The following TMEM65 variants were observed in gnomAD, a reference collection of about 807,000 sequenced individuals.
The protein encoded by TMEM65 is transmembrane protein 65.
TMEM65 carries 22 observed loss-of-function variants against 25.4 expected under a neutral mutation model. The observed-to-expected ratio is 0.86, with a 90% CI of 0.62 to 1.23. TMEM65 has a LOEUF of 1.23. TMEM65 is among the 50% of genes most tolerant of loss of function. TMEM65 has a pLI of 0.00. For synonymous variants in TMEM65, 132 were observed against 126.2 expected (o/e 1.05, Z -0.31); for missense variants, 262 against 308.2 (o/e 0.85, Z 1.12).
At chr8:124,328,473 T>G (rs1394766322) in intron 2 of TMEM65, among the ~76,000 whole-genome samples, 1 of 152,132 alleles carries the variant, frequency 6.6e-6, no homozygotes, top group East Asian at 1.9e-4. Context: ...TTCTCATTTC[T>G]TTCATATTTA....
At chr8:124,348,121 A>G (rs759850641) in intron 1 of TMEM65, among the ~76,000 whole-genome samples, 2 of 152,058 alleles carry the variant, frequency 1.3e-5, no homozygotes, top group African/African-American at 4.8e-5. Flanking sequence ...CTAATTTTGT[A>G]TTTTTAGTAG....
chr8:124,357,835 T>TTC (rs1814805171), intron 1 of TMEM65, among the ~76,000 whole-genome samples: 1 of 143,776 alleles, frequency 7.0e-6, no homozygotes, highest in African/African-American at 2.5e-5. Context: ...TTATCTTTTT[T>TTC]TTTTTTTTTT....
intron 6 of TMEM65, among the ~76,000 whole-genome samples, chr8:124,315,239 G>A (rs1435828602): frequency 6.6e-6 from 1 of 152,006 alleles, no homozygotes; most frequent in Non-Finnish European, 1.5e-5. Context: ...CAGTTACTAT[G>A]ATAGCTACAT....
At chr8:124,371,795 C>A in intron 1 of TMEM65, 59 bp downstream of exon 1, 5 of 1,457,912 alleles carry the variant, frequency 3.4e-6, no homozygotes, top group Non-Finnish European at 2.7e-6. Flanking sequence ...TCCCGGTGGG[C>A]TGGCGAGAAG....
In TMEM65 at chr8:124,311,637, AAGTTATTTGT is replaced by A. The variant is rs1190451323; in HGVS notation, c.*2313_*2322del. 1.3e-5 allele frequency: 2 copies of A among 152,394 alleles called. No homozygotes were observed. Among genetic ancestry groups the A allele is most frequent in the African/African-American group, 4.8e-5 (2 of 41,456 alleles). The allele number at this position is 152,394 out of a possible 1,614,324, so 9.4% of individuals were successfully genotyped here. A position where few individuals can be genotyped will look rare whatever the true frequency, so the allele number is the denominator to read the frequency against. On this transcript the variant is annotated 3_prime_UTR_variant, in exon 7 of 7. Transcript: ENST00000297632. ...ACAGTTCCAGTTTCAACCTAAATTA[AAGTTATTTGT>A]GGCAAGTAACATGAAACAATGATCA...
At chr8:124,319,296 T>C (rs896212862) in intron 6 of TMEM65, among the ~76,000 whole-genome samples, 3 of 152,122 alleles carry the variant, frequency 2.0e-5, no homozygotes, top group African/African-American at 7.2e-5. Flanking sequence ...TCCTCCTTTT[T>C]TTCTTGATTT....
At chr8:124,339,211 AAAAAAAAAAAAATATATATATATAT>A (rs1814552775) in intron 1 of TMEM65, among the ~76,000 whole-genome samples, 1 of 54,416 alleles carries the variant, frequency 1.8e-5, no homozygotes, top group Admixed American at 2.8e-4. Flanking sequence ...AAAAAAAAAA[AAAAAAAAAAAAATATATATATATAT>A]ATATATATAT....
chr8:124,332,361 T>TTTAGGTATTTTTAGG (rs1450878317), intron 1 of TMEM65, among the ~76,000 whole-genome samples: 32 of 152,272 alleles, frequency 2.1e-4, no homozygotes, highest in African/African-American at 7.7e-4. Context: ...TTGAAATACC[T>TTTAGGTATTTTTAGG]AAAAATTCAA....
chr8:124,360,392 T>G (rs1267804767), intron 1 of TMEM65, among the ~76,000 whole-genome samples: 1 of 132,972 alleles, frequency 7.5e-6, no homozygotes, highest in Non-Finnish European at 1.5e-5. Context: ...ATCTCACCAC[T>G]GCACTCCAGC....
chr8:124,323,384 T>A lies in TMEM65; in HGVS notation c.418-9A>T, dbSNP rs1298329010. The A allele has an allele frequency of 6.9e-7, 1 of 1,446,946 alleles. No homozygotes were observed. The highest frequency in any genetic ancestry group is 1.2e-5 in the South Asian group (1 of 80,158). 89.6% of individuals were successfully genotyped at this position (1,446,946 alleles called of 1,614,324 possible). A position where few individuals can be genotyped will look rare whatever the true frequency, so the allele number is the denominator to read the frequency against. On this transcript the variant is annotated splice_polypyrimidine_tract_variant and intron_variant, in intron 3 of 6. Coordinates refer to ENST00000297632, the MANE Select transcript of TMEM65 (RefSeq NM_194291.3). Reference sequence around the variant, plus strand: ...ATTTCAATATGGGTTCCCTGAAATATGATAAAAAATTAATCTTAAAAATTA... The same window carrying A: ...ATTTCAATATGGGTTCCCTGAAATAAGATAAAAAATTAATCTTAAAAATTA...
chr8:124,321,313 G>T (rs1048855087), intron 5 of TMEM65, among the ~76,000 whole-genome samples: 3 of 152,130 alleles, frequency 2.0e-5, no homozygotes, highest in Admixed American at 6.6e-5. Flanking sequence ...ATCTGAAATT[G>T]TAACACTCAA....
chr8:124,372,053 C>A lies in TMEM65; in HGVS notation c.105G>T (p.Gly35=), dbSNP rs942365259. Residue 35 remains glycine (G), a synonymous_variant, in exon 1 of 7, where the codon GGG becomes GGT. Transcript: ENST00000297632. ...APRPPSWCCC[G]RGLLALAPPG... ...GGGGCGCGAGCGCCAGCAGCCCCCG[C>A]CCGCAGCAGCACCAGGACGGCGGGC... 1.7e-6 allele frequency: 2 copies of A among 1,208,838 alleles called. No individual in the cohort carries two copies. The highest frequency in any genetic ancestry group is 4.6e-5 in the Admixed American group (1 of 21,974). The allele number at this position is 1,208,838 out of a possible 1,614,324, so 74.9% of individuals were successfully genotyped here. A position where few individuals can be genotyped will look rare whatever the true frequency, so the allele number is the denominator to read the frequency against.
rs1405714025 is a variant in TMEM65, at chr8:124,306,450, A to G, written c.*7510T>C. 6.6e-6 allele frequency: 1 copy of G among 152,240 alleles called. No individual in the cohort carries two copies. Among genetic ancestry groups the G allele is most frequent in the African/African-American group, 2.4e-5 (1 of 41,460 alleles). 9.4% of individuals were successfully genotyped at this position (152,240 alleles called of 1,614,324 possible). A position where few individuals can be genotyped will look rare whatever the true frequency, so the allele number is the denominator to read the frequency against. On this transcript the variant is annotated 3_prime_UTR_variant, in exon 7 of 7. Coordinates refer to ENST00000297632, the MANE Select transcript of TMEM65 (RefSeq NM_194291.3). ...ATTCTCAAACACGGGTTTGAACTGC[A>G]TAGGACCGCTTATATGCATATTTTG...
At chr8:124,355,168 G>A (rs1814762967) in intron 1 of TMEM65, among the ~76,000 whole-genome samples, 1 of 152,000 alleles carries the variant, frequency 6.6e-6, no homozygotes, top group South Asian at 2.1e-4. Flanking sequence ...TTTCTCAAAT[G>A]TGATTGTTGC....
intron 1 of TMEM65, among the ~76,000 whole-genome samples, chr8:124,332,286 C>T (rs956380935): frequency 6.6e-6 from 1 of 152,092 alleles, no homozygotes; most frequent in Non-Finnish European, 1.5e-5. Flanking sequence ...TTGTTAGTTG[C>T]ATTAGTCTCA....
intron 1 of TMEM65, among the ~76,000 whole-genome samples, chr8:124,350,477 TCA>T (rs59193124): frequency 0.45 from 66,175 of 146,410 alleles, 14,868 homozygotes; most frequent in East Asian, 0.58. Flanking sequence ...TCTCTCTCTC[TCA>T]CACACACACA....
rs2131236749 is a variant in TMEM65, at chr8:124,371,715, G to A, written c.304+139C>T. The A allele has an allele frequency of 2.3e-5, 19 of 836,112 alleles. 1 individual carries two copies. The South Asian group carries it at 4.2e-4, about 18-fold the overall frequency. 51.8% of individuals were successfully genotyped at this position (836,112 alleles called of 1,614,324 possible). ...CCCCGCCCCCAGCCGTCCCAGGCGTGGGGCCAGACAGGCGAGGGGGGCGGA... is the reference window on the plus strand; with the variant it reads ...CCCCGCCCCCAGCCGTCCCAGGCGTAGGGCCAGACAGGCGAGGGGGGCGGA... On this transcript the variant is annotated intron_variant, in intron 1 of 6. Coordinates refer to ENST00000297632, the MANE Select transcript of TMEM65 (RefSeq NM_194291.3).
rs573998977 is a variant in TMEM65 at position 124,311,164 on chromosome 8, T to C, written c.*2796A>G. 6.6e-6 allele frequency: 1 copy of C among 152,332 alleles called. No homozygotes were observed. The highest frequency in any genetic ancestry group is 1.5e-5 in the Non-Finnish European group (1 of 68,022). The allele number at this position is 152,332 out of a possible 1,614,324, so 9.4% of individuals were successfully genotyped here. On this transcript the variant is annotated 3_prime_UTR_variant, in exon 7 of 7. Coordinates refer to ENST00000297632, the MANE Select transcript of TMEM65 (RefSeq NM_194291.3). ...CATCAGTGTGACTTATGTGAGTCTATCTAAAGCTTTTCTATGGGCTCACTC... is the reference window on the plus strand; with the variant it reads ...CATCAGTGTGACTTATGTGAGTCTACCTAAAGCTTTTCTATGGGCTCACTC...
intron 1 of TMEM65, among the ~76,000 whole-genome samples, chr8:124,353,068 G>A (rs534467028): frequency 2.2e-4 from 33 of 152,110 alleles, no homozygotes; most frequent in African/African-American, 7.9e-4. Context: ...CAGAAGTTGT[G>A]GTGAGCTGAG....
Sources: gnomAD v4.1 joint callset for allele counts (sites outside exome capture counted in the v4.1 genomes callset) on GRCh38, gnomAD v4.1.1 for gene constraint, MANE v1.5 for transcripts, NCBI Gene and HGNC (gene_info 2026-07-23, HGNC 2026-07-21) for gene names.